GPC6: variants seen among roughly 807,000 people sequenced by gnomAD.
GPC6 encodes glypican-6.
GPC6 carries 14 observed loss-of-function variants against 55.2 expected under a neutral mutation model. That is an observed-to-expected ratio of 0.25 (90% confidence interval 0.17 to 0.40). The LOEUF is 0.40. Among genes scored for constraint, GPC6 ranks in the 10% least tolerant of loss-of-function variants. The pLI is 1.00. For synonymous variants in GPC6, 278 were observed against 259.6 expected (o/e 1.07, Z -0.68); for missense variants, 641 against 708.5 (o/e 0.90, Z 1.08).
intron 4 of GPC6, among the ~76,000 whole-genome samples, chr13:94,094,977 A>C (rs1435681980): frequency 2.0e-5 from 3 of 152,146 alleles, no homozygotes; most frequent in Non-Finnish European, 4.4e-5. Flanking sequence ...TATATGAAAT[A>C]TAAATTTAAC....
intron 2 of GPC6, among the ~76,000 whole-genome samples, chr13:93,711,788 G>C (rs534527503): frequency 6.6e-6 from 1 of 151,784 alleles, no homozygotes; most frequent in Admixed American, 6.6e-5. Context: ...ATTCACCCAA[G>C]CATAGCCTGG....
intron 3 of GPC6, among the ~76,000 whole-genome samples, chr13:93,839,905 C>T (rs1019076935): frequency 7.9e-5 from 12 of 152,084 alleles, no homozygotes; most frequent in Admixed American, 2.0e-4. Flanking sequence ...CTATATTCAT[C>T]GAGGATATCA....
At chr13:93,731,091 A>G (rs17189180) in intron 2 of GPC6, among the ~76,000 whole-genome samples, 1 of 151,966 alleles carries the variant, frequency 6.6e-6, no homozygotes, top group Non-Finnish European at 1.5e-5. Flanking sequence ...TGTGGGATAC[A>G]GTGGGATACA....
chr13:93,371,780 T>TA (rs1013479025), intron 1 of GPC6, among the ~76,000 whole-genome samples: 6 of 151,518 alleles, frequency 4.0e-5, no homozygotes, highest in Admixed American at 6.6e-5. Flanking sequence ...CCTGAGACCT[T>TA]AAAAAAAACA....
chr13:93,764,611 C>CA (rs60996523), intron 2 of GPC6, among the ~76,000 whole-genome samples: 21 of 144,628 alleles, frequency 1.5e-4, no homozygotes, highest in East Asian at 1.2e-3. Context: ...CACACACACA[C>CA]CACACACACT....
intron 7 of GPC6, among the ~76,000 whole-genome samples, chr13:94,388,255 T>G (rs190337639): frequency 3.3e-5 from 5 of 152,342 alleles, no homozygotes; most frequent in African/African-American, 9.6e-5. Flanking sequence ...GTTGCAATTT[T>G]GGGGGTTTCT....
chr13:93,571,062 C>T (rs1594276886), intron 2 of GPC6, among the ~76,000 whole-genome samples: 1 of 151,888 alleles, frequency 6.6e-6, no homozygotes, highest in East Asian at 1.9e-4. Flanking sequence ...TTGTGAAATT[C>T]TAATCAAGCA....
chr13:94,001,549 TAGTG>T (rs776677467), intron 3 of GPC6, among the ~76,000 whole-genome samples: 21 of 152,292 alleles, frequency 1.4e-4, no homozygotes, highest in South Asian at 8.3e-4. Flanking sequence ...AGCTAAAATC[TAGTG>T]AGTAAGAATT....
At chr13:93,240,146 A>G (rs1876380259) in intron 1 of GPC6, among the ~76,000 whole-genome samples, 2 of 152,070 alleles carry the variant, frequency 1.3e-5, no homozygotes, top group South Asian at 2.1e-4. Flanking sequence ...TGTTAGGTCC[A>G]TTTGTCCTAG....
chr13:93,894,218 C>T (rs1382369473), intron 3 of GPC6, among the ~76,000 whole-genome samples: 1 of 152,162 alleles, frequency 6.6e-6, no homozygotes, highest in Non-Finnish European at 1.5e-5. Context: ...TAACATGCTG[C>T]TTAGTCCCAG....
intron 4 of GPC6, among the ~76,000 whole-genome samples, chr13:94,124,931 C>T (rs1406299728): frequency 6.6e-6 from 1 of 152,036 alleles, no homozygotes; most frequent in Non-Finnish European, 1.5e-5. Flanking sequence ...TGTACTTTGC[C>T]AGGCAATTTG....
At chr13:93,907,125 T>G (rs1043624758) in intron 3 of GPC6, among the ~76,000 whole-genome samples, 1 of 152,260 alleles carries the variant, frequency 6.6e-6, no homozygotes, top group Middle Eastern at 3.4e-3. Context: ...TGTGGGAAAT[T>G]TATGTTTGAA....
chr13:94,363,717 A>T (rs963176512), intron 6 of GPC6, among the ~76,000 whole-genome samples: 1 of 152,152 alleles, frequency 6.6e-6, no homozygotes, highest in African/African-American at 2.4e-5. Flanking sequence ...GCTATTGACC[A>T]CTAGGGATGT....
chr13:93,469,484 A>G (rs1456954299), intron 1 of GPC6, among the ~76,000 whole-genome samples: 1 of 152,278 alleles, frequency 6.6e-6, no homozygotes, highest in East Asian at 1.9e-4. Flanking sequence ...AAAACTCTTC[A>G]ATTTTATAAA....
chr13:94,046,871 A>G (rs867679698), intron 4 of GPC6, among the ~76,000 whole-genome samples: 3 of 152,282 alleles, frequency 2.0e-5, no homozygotes, highest in Middle Eastern at 3.4e-3. Flanking sequence ...TGTTAGGACT[A>G]GAAGTAGTGT....
intron 7 of GPC6, 82 bp from the exon 8 acceptor site, chr13:94,398,384 C>A: frequency 9.6e-7 from 1 of 1,036,672 alleles, no homozygotes; most frequent in Non-Finnish European, 1.5e-6. Flanking sequence ...CAGAGACAGT[C>A]ATCTGGTTTT....
intron 1 of GPC6, among the ~76,000 whole-genome samples, chr13:93,382,366 C>T (rs376889569): frequency 6.6e-6 from 1 of 152,156 alleles, no homozygotes; most frequent in African/African-American, 2.4e-5. Flanking sequence ...CAAACTAGGA[C>T]CGCATCACTT....
Position 93,830,329 on chromosome 13 carries a change from G to A in GPC6, c.495G>A (p.Trp165Ter). Residue 165 changes from tryptophan to a stop codon, truncating the protein, a stop_gained, in exon 3 of 9, where the codon TGG (tryptophan) becomes TGA (stop). Transcript: ENST00000377047. LOFTEE classifies it high-confidence loss of function. The stretch of plus-strand genomic sequence containing the variant: ...TGGAGGAAATGCTCAATGACTTTTG[G>A]GCTCGGCTCCTGGAACGGATGTTTC... ...VNLEEMLNDF[W>*]ARLLERMFQL... 6.2e-7 allele frequency: 1 copy of A among 1,613,838 alleles called. No individual in the cohort carries two copies. The highest frequency in any genetic ancestry group is 8.5e-7 in the Non-Finnish European group (1 of 1,179,916).
chr13:93,773,103 A>C (rs1461770121), intron 2 of GPC6, among the ~76,000 whole-genome samples: 1 of 152,174 alleles, frequency 6.6e-6, no homozygotes, highest in East Asian at 1.9e-4. Context: ...AGCAAAAAGA[A>C]AAAAGAAAAA....
Sources: gnomAD v4.1 joint callset for allele counts (sites outside exome capture counted in the v4.1 genomes callset) on GRCh38, gnomAD v4.1.1 for gene constraint, MANE v1.5 for transcripts, NCBI Gene and HGNC (gene_info 2026-07-23, HGNC 2026-07-21) for gene names.